The following RIC1 variants were observed in gnomAD, a reference collection of about 807,000 sequenced individuals.
The protein encoded by RIC1 is RIC1 partner of RAB6A GEF complex.
In RIC1, 88 loss-of-function variants were observed where a neutral mutation model predicts 169.0. The observed-to-expected ratio is 0.52, with a 90% CI of 0.44 to 0.62. The LOEUF is 0.62. Among genes scored for constraint, RIC1 ranks in the 20% least tolerant of loss-of-function variants. The pLI is 0.00. For synonymous variants in RIC1, 790 were observed against 601.5 expected (o/e 1.31, Z -4.59); for missense variants, 1,877 against 1,725.5 (o/e 1.09, Z -1.56).
Position 5,765,483 on chromosome 9 carries a change from A to C in RIC1, c.2911A>C (p.Lys971Gln). ...LLFNTALEQGKWDLCRHMIRF... is the reference protein window; with the variant it reads ...LLFNTALEQGQWDLCRHMIRF... ...ATTCAACACAGCACTAGAACAAGGC[A>C]AGTGGGACCTTTGTCGACACATGAT... The change falls in exon 20 of 26, where the codon AAG becomes CAG. Residue 971 changes from lysine to glutamine, a missense_variant. Coordinates refer to ENST00000414202, the MANE Select transcript of RIC1 (RefSeq NM_020829.4). 6.2e-7 allele frequency: 1 copy of C among 1,614,212 alleles called. No individual in the cohort carries two copies. The highest frequency in any genetic ancestry group is 1.3e-5 in the African/African-American group (1 of 75,070).
intron 4 of RIC1, among the ~76,000 whole-genome samples, chr9:5,716,588 G>C (rs1041968277): frequency 6.6e-6 from 1 of 152,174 alleles, no homozygotes; most frequent in Non-Finnish European, 1.5e-5. Flanking sequence ...ACTCCAGCCA[G>C]GGCAACAGAG....
chr9:5,701,350 C>T (rs904300498), intron 3 of RIC1, among the ~76,000 whole-genome samples: 4 of 152,128 alleles, frequency 2.6e-5, no homozygotes, highest in Non-Finnish European at 5.9e-5. Flanking sequence ...GTGGCTCACG[C>T]CTGCAATCTC....
intron 15 of RIC1, among the ~76,000 whole-genome samples, chr9:5,755,136 A>G (rs1177778660): frequency 6.6e-6 from 1 of 152,222 alleles, no homozygotes; most frequent in Non-Finnish European, 1.5e-5. Flanking sequence ...CTTTTAAGAT[A>G]ACCTTTTCTA....
At chr9:5,681,718 G>A (rs1053099103) in intron 2 of RIC1, among the ~76,000 whole-genome samples, 2 of 152,130 alleles carry the variant, frequency 1.3e-5, no homozygotes, top group Non-Finnish European at 2.9e-5. Context: ...CTGTCTCTTT[G>A]ATCTGTCTAA....
intron 2 of RIC1, among the ~76,000 whole-genome samples, chr9:5,668,185 GT>G (rs1819891811): frequency 6.6e-6 from 1 of 152,058 alleles, no homozygotes; most frequent in Non-Finnish European, 1.5e-5. Context: ...CGAGAACACC[GT>G]GAGGGTACCA....
At chr9:5,654,452 T>C (rs185571866) in intron 1 of RIC1, among the ~76,000 whole-genome samples, 12 of 152,324 alleles carry the variant, frequency 7.9e-5, no homozygotes, top group Admixed American at 5.2e-4. Flanking sequence ...TTTCACCATG[T>C]TGGCGGGCTG....
In RIC1 at chr9:5,629,292, G is replaced by C; in HGVS notation, c.-18G>C. Reference sequence around the variant, plus strand: ...TGTGACGGACGCAACTGGGGGCGCCGGGGGCTCCGCACGGACCATGTATTT... The same window carrying C: ...TGTGACGGACGCAACTGGGGGCGCCCGGGGCTCCGCACGGACCATGTATTT... On this transcript the variant is annotated 5_prime_UTR_variant, in exon 1 of 26. Coordinates refer to ENST00000414202, the MANE Select transcript of RIC1 (RefSeq NM_020829.4). 2.0e-6 allele frequency: 3 copies of C among 1,464,986 alleles called. No homozygotes were observed. The highest frequency in any genetic ancestry group is 2.7e-6 in the Non-Finnish European group (3 of 1,109,022). The allele number at this position is 1,464,986 out of a possible 1,614,324, so 90.7% of individuals were successfully genotyped here. A position where few individuals can be genotyped will look rare whatever the true frequency, so the allele number is the denominator to read the frequency against.
At chr9:5,701,036 T>C (rs1407772530) in intron 3 of RIC1, among the ~76,000 whole-genome samples, 1 of 152,236 alleles carries the variant, frequency 6.6e-6, no homozygotes, top group Non-Finnish European at 1.5e-5. Flanking sequence ...TTTCCCTTCA[T>C]GTTTCTTCTC....
At chr9:5,733,661 T>G (rs1420818283) in intron 7 of RIC1, among the ~76,000 whole-genome samples, 1 of 152,196 alleles carries the variant, frequency 6.6e-6, no homozygotes, top group Non-Finnish European at 1.5e-5. Flanking sequence ...CAACTTTTTC[T>G]CAATACATTG....
chr9:5,643,885 G>C (rs943585509), intron 1 of RIC1, among the ~76,000 whole-genome samples: 3 of 152,180 alleles, frequency 2.0e-5, no homozygotes, highest in Non-Finnish European at 2.9e-5. Flanking sequence ...TTACTCATGA[G>C]CAGGCATCAA....
rs1235816691 is a variant in RIC1 at position 5,775,927 on chromosome 9, T to C, written c.*1681T>C. The C allele has an allele frequency of 6.6e-6, 1 of 152,180 alleles. No individual in the cohort carries two copies. Among genetic ancestry groups the C allele is most frequent in the African/African-American group, 2.4e-5 (1 of 41,440 alleles). 9.4% of individuals were successfully genotyped at this position (152,180 alleles called of 1,614,324 possible). A position where few individuals can be genotyped will look rare whatever the true frequency, so the allele number is the denominator to read the frequency against. ...TGAATCTTAAAGATAATGTTTTGCATGTGAGTACATGCAGCCCAGCAAGAA... is the reference window on the plus strand; with the variant it reads ...TGAATCTTAAAGATAATGTTTTGCACGTGAGTACATGCAGCCCAGCAAGAA... On this transcript the variant is annotated 3_prime_UTR_variant, in exon 26 of 26. Coordinates refer to ENST00000414202, the MANE Select transcript of RIC1 (RefSeq NM_020829.4).
chr9:5,647,187 CCAGTACGA>C (rs1203447690), intron 1 of RIC1, among the ~76,000 whole-genome samples: 1 of 152,104 alleles, frequency 6.6e-6, no homozygotes, highest in Non-Finnish European at 1.5e-5. Flanking sequence ...TATCCTTGTG[CCAGTACGA>C]CAGTATTTTG....
chr9:5,722,054 A>C (rs977687286), intron 6 of RIC1, among the ~76,000 whole-genome samples: 1 of 151,584 alleles, frequency 6.6e-6, no homozygotes, highest in Non-Finnish European at 1.5e-5. Context: ...ACGCCCGCCT[A>C]ATTTTGTGTC....
rs778719389 is a variant in RIC1, at chr9:5,689,941, A to G, written c.253-18A>G. On this transcript the variant is annotated intron_variant, in intron 2 of 25. Transcript: ENST00000414202. ...AGCCTTACTCTTTAATTCATGATTAATAAAATTTCTCTTTCAGACGGCAAA... is the reference window on the plus strand; with the variant it reads ...AGCCTTACTCTTTAATTCATGATTAGTAAAATTTCTCTTTCAGACGGCAAA... The G allele has an allele frequency of 6.6e-7, 1 of 1,520,356 alleles. No individual in the cohort carries two copies. Among genetic ancestry groups the G allele is most frequent in the Non-Finnish European group, 9.0e-7 (1 of 1,106,538 alleles). 94.2% of individuals were successfully genotyped at this position (1,520,356 alleles called of 1,614,324 possible).
chr9:5,721,448 G>A (rs141464137), intron 6 of RIC1, among the ~76,000 whole-genome samples: 8 of 152,132 alleles, frequency 5.3e-5, no homozygotes, highest in African/African-American at 1.7e-4. Flanking sequence ...GCACACACGC[G>A]CGTGCACACA....
intron 22 of RIC1, 151 bp from the exon 23 acceptor site, chr9:5,769,936 G>A (rs1393467658): frequency 3.4e-6 from 2 of 591,810 alleles, no homozygotes; most frequent in Non-Finnish European, 5.7e-6. Flanking sequence ...TCTAGTTTTG[G>A]GGTGGCTGAT....
intron 2 of RIC1, among the ~76,000 whole-genome samples, chr9:5,680,680 G>A (rs1027667802): frequency 2.2e-4 from 33 of 152,116 alleles, no homozygotes; most frequent in South Asian, 2.1e-4. Context: ...TATTTCTGTG[G>A]GATTGGTGGT....
Position 5,753,626 on chromosome 9 carries a change from C to G in RIC1, c.1582C>G (p.Leu528Val). 1 of 1,596,846 alleles carries G rather than the reference C, an allele frequency of 6.3e-7. No individual in the cohort carries two copies. Among genetic ancestry groups the G allele is most frequent in the Non-Finnish European group, 8.6e-7 (1 of 1,167,974 alleles). The part of the protein sequence containing the change: ...HYSLLTKKWK[L>V]FGNITQEQNM... ...CTCTTTACTCACCAAAAAATGGAAA[C>G]TTTTTGGAAACATTACCCAGGTTAG... The change falls in exon 14 of 26, where the codon CTT becomes GTT. Residue 528 changes from leucine (L) to valine (V), a missense_variant. Coordinates refer to ENST00000414202, the MANE Select transcript of RIC1 (RefSeq NM_020829.4).
At chr9:5,753,364 A>G in intron 13 of RIC1, 126 bp downstream of exon 13, 3 of 905,108 alleles carry the variant, frequency 3.3e-6, no homozygotes, top group Non-Finnish European at 1.8e-6. Context: ...TAACATTGCT[A>G]GTATATTAAC....
Sources: allele counts gnomAD v4.1 joint callset (sites outside exome capture counted in the v4.1 genomes callset), GRCh38; gene constraint gnomAD v4.1.1; transcripts MANE v1.5; gene names NCBI Gene and HGNC (gene_info 2026-07-23, HGNC 2026-07-21).